GIT2: variants seen among roughly 807,000 people sequenced by gnomAD.
GIT2 encodes the protein ARF GTPase-activating protein GIT2.
GIT2 carries 32 observed loss-of-function variants against 100.3 expected under a neutral mutation model. The ratio of observed to expected loss-of-function variants is 0.32; its 90% confidence interval spans 0.24 to 0.43. The LOEUF (loss-of-function observed/expected upper bound fraction) is 0.43, where lower values mean the gene tolerates loss of function less well. Among genes scored for constraint, GIT2 ranks in the 20% least tolerant of loss-of-function variants. The pLI is 1.00. For synonymous variants in GIT2, 353 were observed against 364.1 expected (o/e 0.97, Z 0.35); for missense variants, 737 against 975.1 (o/e 0.76, Z 3.25).
chr12:109,948,916 C>T lies in GIT2; in HGVS notation c.1393-1412G>A. 1 of 1,073,712 alleles carries T rather than the reference C, an allele frequency of 9.3e-7. No individual in the cohort carries two copies. Among genetic ancestry groups the T allele is most frequent in the Non-Finnish European group, 1.4e-6 (1 of 718,878 alleles). The allele number at this position is 1,073,712 out of a possible 1,614,324, so 66.5% of individuals were successfully genotyped here. A position where few individuals can be genotyped will look rare whatever the true frequency, so the allele number is the denominator to read the frequency against. On this transcript the variant is annotated intron_variant, in intron 14 of 19. Transcript: ENST00000355312. This position sits in a 1 kb window ranked among gnomAD's most constrained non-coding sequence, Gnocchi z 4.3. ...ACTTTATGTATATTAAAAACTTTAC[C>T]CAACTTTGAAATATAATCAATACAT...
At chr12:109,984,022 C>T (rs549255519) in intron 4 of GIT2, among the ~76,000 whole-genome samples, 8 of 152,172 alleles carry the variant, frequency 5.3e-5, no homozygotes, top group South Asian at 4.2e-4. Flanking sequence ...CTCTGACATA[C>T]GACAGACCTG....
At chr12:109,993,595 G>A (rs780826621) in intron 1 of GIT2, among the ~76,000 whole-genome samples, 28 of 152,216 alleles carry the variant, frequency 1.8e-4, no homozygotes, top group Admixed American at 3.9e-4. Flanking sequence ...GACAAATCTC[G>A]GGATAGTAAG....
chr12:109,978,267 G>A (rs1885567953), intron 7 of GIT2, among the ~76,000 whole-genome samples: 1 of 151,838 alleles, frequency 6.6e-6, no homozygotes, highest in Non-Finnish European at 1.5e-5. Flanking sequence ...ATCTTTAGTA[G>A]AGATGGGGTT....
intron 16 of GIT2, among the ~76,000 whole-genome samples, 164 bp downstream of exon 16, chr12:109,945,096 T>C (rs960852685): frequency 6.6e-6 from 1 of 152,130 alleles, no homozygotes; most frequent in African/African-American, 2.4e-5. Flanking sequence ...AGCGTGCATG[T>C]GGACGAGTGT....
intron 14 of GIT2, among the ~76,000 whole-genome samples, chr12:109,949,519 T>C (rs532537439): frequency 6.6e-6 from 1 of 152,246 alleles, no homozygotes; most frequent in Non-Finnish European, 1.5e-5. Flanking sequence ...TAAATTTTAA[T>C]GACGTTTATC....
intron 9 of GIT2, among the ~76,000 whole-genome samples, chr12:109,964,083 T>C (rs752141880): frequency 6.6e-6 from 1 of 152,212 alleles, no homozygotes; most frequent in Admixed American, 6.5e-5. Flanking sequence ...AAATGTAGGA[T>C]AGTCTAAGAA....
chr12:109,976,740 CA>C (rs1406918912), intron 7 of GIT2, among the ~76,000 whole-genome samples: 3 of 151,888 alleles, frequency 2.0e-5, no homozygotes, highest in African/African-American at 7.3e-5. Flanking sequence ...AGGCATGTAC[CA>C]CCATGCCCGG....
Position 109,981,017 on chromosome 12 carries a change from C to T in GIT2, c.653G>A (p.Arg218His). 2 of 1,612,668 alleles carry T rather than the reference C, an allele frequency of 1.2e-6. No individual in the cohort carries two copies. The highest frequency in any genetic ancestry group is 1.1e-5 in the South Asian group (1 of 91,048). ...TAGCTCATACTGTATTTCCACGAGG[C>T]GCTCTGCCAGCTCATGGTGCCCTCC... ...RQGGHHELAE[R>H]LVEIQYELTD... Residue 218 changes from arginine to histidine, a missense_variant, in exon 7 of 20, where the codon CGC becomes CAC. This residue lies in a region of GIT2 where 266 missense variants were observed against 376.2 expected (regional missense o/e 0.71). Coordinates refer to ENST00000355312, the MANE Select transcript of GIT2 (RefSeq NM_057169.5).
rs961101011 is a variant in GIT2 at position 109,932,026 on chromosome 12, T to G, written c.*952A>C. On this transcript the variant is annotated 3_prime_UTR_variant, in exon 20 of 20. Transcript: ENST00000355312. ...ACTCATGTGAGAAAGCTGTAAGTGG[T>G]CAGAGAAGCAAGCTGACTTTTGGAT... 6.6e-6 allele frequency: 1 copy of G among 152,244 alleles called. No homozygotes were observed. Among genetic ancestry groups the G allele is most frequent in the Non-Finnish European group, 1.5e-5 (1 of 68,048 alleles). 9.4% of individuals were successfully genotyped at this position (152,244 alleles called of 1,614,324 possible).
chr12:109,961,551 C>T (rs1881095678), intron 10 of GIT2, 62 bp downstream of exon 10: 1 of 1,116,608 alleles, frequency 9.0e-7, no homozygotes, highest in Non-Finnish European at 1.4e-6. Context: ...AACACTGAGC[C>T]TGGCAGCTTT....
At chr12:109,986,227 A>G (rs560314558) in intron 4 of GIT2, among the ~76,000 whole-genome samples, 1 of 152,290 alleles carries the variant, frequency 6.6e-6, no homozygotes, top group Non-Finnish European at 1.5e-5. Context: ...AAAATCTGGC[A>G]AAGACACAAC....
intron 18 of GIT2, among the ~76,000 whole-genome samples, chr12:109,935,947 C>G (rs543944791): frequency 6.6e-6 from 1 of 152,112 alleles, no homozygotes; most frequent in Non-Finnish European, 1.5e-5. Flanking sequence ...AAAAGGTTTT[C>G]GTGCATAATA....
At chr12:109,965,474 C>G in intron 9 of GIT2, 52 bp downstream of exon 9, 1 of 985,878 alleles carries the variant, frequency 1.0e-6, no homozygotes, top group South Asian at 1.4e-5. Context: ...TAGGTATCAG[C>G]AGGGTGCACT....
chr12:109,964,620 G>GACACAC (rs58007337), intron 9 of GIT2, among the ~76,000 whole-genome samples: 7,985 of 118,934 alleles, frequency 0.067, 557 homozygotes, highest in Non-Finnish European at 0.083. Flanking sequence ...TTAATCTAAA[G>GACACAC]ACACACACAC....
intron 12 of GIT2, chr12:109,953,503 C>T (rs1261915756): frequency 1.5e-5 from 5 of 324,998 alleles, no homozygotes; most frequent in African/African-American, 1.1e-4. Context: ...GCCTGTAGTC[C>T]CAGCTACTAG....
Position 109,947,154 on chromosome 12 carries a change from A to G in GIT2, c.1641+102T>C, listed in dbSNP as rs143210789. The G allele has an allele frequency of 2.1e-4, 237 of 1,121,534 alleles. 1 individual carries two copies. The African/African-American group carries it at 2.2e-3, about 11-fold the overall frequency. The allele number at this position is 1,121,534 out of a possible 1,614,324, so 69.5% of individuals were successfully genotyped here. A position where few individuals can be genotyped will look rare whatever the true frequency, so the allele number is the denominator to read the frequency against. On this transcript the variant is annotated intron_variant, in intron 15 of 19. Transcript: ENST00000355312. The surrounding 1 kb of genome is among the most constrained non-coding windows in gnomAD (Gnocchi z 4.3). ...ACACAATGGTAACTCTCTTAGTCCA[A>G]TTTGGCAAAGCAGAGCTGTGGGGAC...
intron 7 of GIT2, among the ~76,000 whole-genome samples, chr12:109,970,777 T>C (rs1033397570): frequency 5.3e-5 from 8 of 152,186 alleles, no homozygotes; most frequent in African/African-American, 1.9e-4. Context: ...ACCCTTCCAT[T>C]TGAATTTTTA....
chr12:109,997,676 A>C (rs1458115011), upstream of GIT2: 1 of 152,248 alleles, frequency 6.6e-6, no homozygotes, highest in African/African-American at 2.4e-5. Context: ...AGATGGAATA[A>C]ATTATGGGAA....
intron 1 of GIT2, among the ~76,000 whole-genome samples, chr12:109,993,189 T>C (rs891685568): frequency 9.2e-5 from 14 of 152,164 alleles, no homozygotes; most frequent in African/African-American, 3.1e-4. Context: ...GCAAGCAGGA[T>C]GGATCTGGGT....
Sources: gnomAD v4.1 joint callset for allele counts (sites outside exome capture counted in the v4.1 genomes callset) on GRCh38, gnomAD v4.1.1 for gene constraint, gnomAD v4.1.1 regional missense constraint, Gnocchi (gnomAD v3.1) non-coding constraint, MANE v1.5 for transcripts, NCBI Gene and HGNC (gene_info 2026-07-23, HGNC 2026-07-21) for gene names.